SSBP3: variants seen among roughly 807,000 people sequenced by gnomAD.
SSBP3 encodes the protein single stranded DNA binding protein 3.
Under a neutral mutation model 69.6 loss-of-function variants are expected in SSBP3, and 5 were observed. That is an observed-to-expected ratio of 0.07 (90% CI 0.04 to 0.15). The LOEUF (loss-of-function observed/expected upper bound fraction) is 0.15. SSBP3 is among the 10% of genes least tolerant of loss of function. The pLI is 1.00. For synonymous variants in SSBP3, 196 were observed against 193.4 expected, an observed-to-expected ratio of 1.01 and a Z score of -0.11; for missense variants, 312 against 534.0, an observed-to-expected ratio of 0.58 and a Z score of 4.10.
chr1:54,273,270 G>A (rs756952549), intron 5 of SSBP3, among the ~76,000 whole-genome samples: 1 of 152,244 alleles, frequency 6.6e-6, no homozygotes, highest in Non-Finnish European at 1.5e-5. Context: ...GTTTTTCAGA[G>A]GGGGAGGGAG....
intron 4 of SSBP3, among the ~76,000 whole-genome samples, chr1:54,344,602 C>T (rs1011641217): frequency 5.3e-5 from 8 of 152,140 alleles, no homozygotes; most frequent in African/African-American, 1.2e-4. Context: ...CACTCGGTGT[C>T]GTCAGTACAG....
intron 4 of SSBP3, among the ~76,000 whole-genome samples, chr1:54,374,460 A>G (rs1461046907): frequency 3.9e-5 from 6 of 152,174 alleles, no homozygotes; most frequent in African/African-American, 1.2e-4. Flanking sequence ...TTCCCATCTA[A>G]AAGTTCTTGA....
chr1:54,362,002 G>C (rs1423004959), intron 4 of SSBP3, among the ~76,000 whole-genome samples: 1 of 152,216 alleles, frequency 6.6e-6, no homozygotes, highest in Non-Finnish European at 1.5e-5. Context: ...AGGAAGGAGA[G>C]GTATTAAAGA....
At chr1:54,395,842 G>T (rs1481119260) in intron 4 of SSBP3, among the ~76,000 whole-genome samples, 1 of 152,114 alleles carries the variant, frequency 6.6e-6, no homozygotes, top group Non-Finnish European at 1.5e-5. Flanking sequence ...CCCAGGGAAA[G>T]AAATACACAA....
chr1:54,309,153 G>A (rs1050140332), intron 4 of SSBP3, among the ~76,000 whole-genome samples: 1 of 152,192 alleles, frequency 6.6e-6, no homozygotes, highest in African/African-American at 2.4e-5. Context: ...AGATTATCAA[G>A]CAGGTTTTGT....
chr1:54,241,844 C>G (rs1644644493), intron 11 of SSBP3, among the ~76,000 whole-genome samples: 1 of 152,246 alleles, frequency 6.6e-6, no homozygotes, highest in African/African-American at 2.4e-5. Context: ...GTGTGGAGCA[C>G]CTTACCCGCA....
At chr1:54,386,116 G>A (rs970665688) in intron 4 of SSBP3, among the ~76,000 whole-genome samples, 3 of 152,194 alleles carry the variant, frequency 2.0e-5, no homozygotes, top group Non-Finnish European at 4.4e-5. Flanking sequence ...CATGCAGTGT[G>A]GGGTTCAGTG....
rs1448894354 is a variant in SSBP3, at chr1:54,228,864, C to T, written c.928-38G>A. ...CACAGGGCATGGCAGCTCAGCGGGC[C>T]CTGGCCCTCTGCACCCCTCACAGGC... On this transcript the variant is annotated intron_variant, in intron 14 of 17. Transcript: ENST00000610401. 1.9e-6 allele frequency: 3 copies of T among 1,595,990 alleles called. No individual in the cohort carries two copies. The South Asian group carries it at 3.4e-5, about 18-fold the overall frequency.
At chr1:54,386,708 A>G in intron 4 of SSBP3, among the ~76,000 whole-genome samples, 1 of 45,130 alleles carries the variant, frequency 2.2e-5, no homozygotes, top group Non-Finnish European at 3.6e-5. Flanking sequence ...TTTTTTTAAG[A>G]GATGGAGTTT....
At chr1:54,353,733 C>T (rs1427330510) in intron 4 of SSBP3, among the ~76,000 whole-genome samples, 1 of 152,192 alleles carries the variant, frequency 6.6e-6, no homozygotes, top group Non-Finnish European at 1.5e-5. Context: ...TGGCATTCAG[C>T]AAACCCTGTG....
intron 4 of SSBP3, among the ~76,000 whole-genome samples, chr1:54,358,579 C>T (rs1646904140): frequency 6.6e-6 from 1 of 152,202 alleles, no homozygotes; most frequent in Non-Finnish European, 1.5e-5. Flanking sequence ...TAACCTCCAT[C>T]CCCTGGGCCT....
At position 54,227,187 on chromosome 1, in the gene SSBP3, G is replaced by A. The variant is rs553040722; in HGVS notation, c.1138-27C>T. The A allele has an allele frequency of 7.9e-6, 9 of 1,145,972 alleles. 1 individual carries two copies. Among genetic ancestry groups the A allele is most frequent in the East Asian group, 2.8e-5 (1 of 36,002 alleles). 71.0% of individuals were successfully genotyped at this position (1,145,972 alleles called of 1,614,324 possible). On this transcript the variant is annotated intron_variant, in intron 17 of 17. Transcript: ENST00000610401. ...TGGAAAGGAGAAGCAGAGAAGGGGG[G>A]GGGGTGAGGATTGTGGGGAGGCCGC... is the stretch of plus-strand genomic sequence containing the variant.
intron 5 of SSBP3, among the ~76,000 whole-genome samples, chr1:54,263,350 G>A (rs1215707736): frequency 1.3e-5 from 2 of 152,188 alleles, no homozygotes; most frequent in African/African-American, 4.8e-5. Context: ...TGGTGTGACA[G>A]GAAGCGCCCA....
intron 2 of SSBP3, 24 bp downstream of exon 2, chr1:54,404,834 G>T: frequency 6.7e-7 from 1 of 1,491,908 alleles, no homozygotes; most frequent in Non-Finnish European, 9.3e-7. Flanking sequence ...CAAGAAATTG[G>T]ATGCTGGGGG....
chr1:54,348,963 A>G (rs1312853189), intron 4 of SSBP3, among the ~76,000 whole-genome samples: 1 of 152,212 alleles, frequency 6.6e-6, no homozygotes, highest in Non-Finnish European at 1.5e-5. Flanking sequence ...GAACCAGGCT[A>G]AAAACCCAGC....
chr1:54,231,384 T>C (rs960557650), intron 14 of SSBP3, among the ~76,000 whole-genome samples: 4 of 152,260 alleles, frequency 2.6e-5, no homozygotes, highest in Admixed American at 2.6e-4. Context: ...AATTGGGTTA[T>C]TACTGAGTTT....
At chr1:54,272,914 T>C (rs1645220473) in intron 5 of SSBP3, among the ~76,000 whole-genome samples, 1 of 152,216 alleles carries the variant, frequency 6.6e-6, no homozygotes, top group African/African-American at 2.4e-5. Context: ...CAGTGAGGGC[T>C]TCGCCAGGAG....
chr1:54,330,968 C>T (rs1307466520), intron 4 of SSBP3, among the ~76,000 whole-genome samples: 1 of 152,198 alleles, frequency 6.6e-6, no homozygotes, highest in East Asian at 1.9e-4. Context: ...CTAATGACAG[C>T]CACTGAAGGC....
exon 9 of SSBP3, chr1:54,251,681 T>C (rs774181527): frequency 1.3e-6 from 2 of 1,556,794 alleles, no homozygotes; most frequent in Non-Finnish European, 8.7e-7. Context: ...GATCCTCCCA[T>C]GTTGGGGTGG....
Sources: gnomAD v4.1 joint callset for allele counts (sites outside exome capture counted in the v4.1 genomes callset) on GRCh38, gnomAD v4.1.1 for gene constraint, MANE v1.5 for transcripts, NCBI Gene and HGNC (gene_info 2026-07-23, HGNC 2026-07-21) for gene names.